Variants in DYNC2H1 observed in about 807,000 individuals in gnomAD.
DYNC2H1 encodes the protein dynein cytoplasmic 2 heavy chain 1.
Under a neutral mutation model 570.0 loss-of-function variants are expected in DYNC2H1, and 410 were observed. The ratio of observed to expected loss-of-function variants is 0.72; its 90% CI spans 0.66 to 0.78. DYNC2H1 has a LOEUF of 0.78. Among genes scored for constraint, DYNC2H1 ranks in the 30% least tolerant of loss-of-function variants. The probability of loss-of-function intolerance (pLI) is 0.00; values close to 1 mark genes in which losing one functional copy is unlikely to be tolerated. For missense variants in DYNC2H1, 4,865 were observed against 5,046.4 expected, an observed-to-expected ratio of 0.96 and a Z score of 1.09; for synonymous variants, 1,688 against 1,677.6, an observed-to-expected ratio of 1.01 and a Z score of -0.15.
At chr11:103,300,429 G>A (rs1279968484) in intron 75 of DYNC2H1, among the ~76,000 whole-genome samples, 1 of 152,050 alleles carries the variant, frequency 6.6e-6, no homozygotes, top group East Asian at 1.9e-4. Flanking sequence ...AGTTTTGAAT[G>A]ATTCATATTG....
intron 11 of DYNC2H1, 36 bp downstream of exon 11, chr11:103,123,036 C>A: frequency 7.8e-7 from 1 of 1,284,326 alleles, no homozygotes; most frequent in African/African-American, 1.5e-5. Flanking sequence ...AAATCCAAAA[C>A]CATATGTTAT....
In DYNC2H1 at chr11:103,249,953, C is replaced by T. The variant is rs1337150495; in HGVS notation, c.10043-3332C>T. Among the ~76,000 whole-genome samples the T allele has an allele frequency of 2.6e-5, 4 of 152,032 alleles. No homozygotes were observed. Among genetic ancestry groups the T allele is most frequent in the East Asian group, 1.9e-4 (1 of 5,196 alleles). On this transcript the variant is annotated intron_variant, in intron 65 of 88. Transcript: ENST00000375735. The surrounding 1 kb of genome is among the most constrained non-coding windows in gnomAD (Gnocchi z 4.6). The stretch of plus-strand genomic sequence containing the variant: ...CATTTTTCTTGAATTATTTATAAAT[C>T]GCCTAACACAAGCCAAAATCCTCTA...
chr11:103,374,350 C>A (rs1288362623), intron 83 of DYNC2H1, among the ~76,000 whole-genome samples: 1 of 152,072 alleles, frequency 6.6e-6, no homozygotes, highest in African/African-American at 2.4e-5. Context: ...TTATTCTCTC[C>A]CTTTCCTTTA....
At position 103,249,661 on chromosome 11, in the gene DYNC2H1, T is replaced by C. The variant is rs1397944955; in HGVS notation, c.10043-3624T>C. On this transcript the variant is annotated intron_variant, in intron 65 of 88. Transcript: ENST00000375735. The surrounding 1 kb of genome is among the most constrained non-coding windows in gnomAD (Gnocchi z 4.6). ...AGATTCTAATAGCTTGGACTTTGTGTACTCCTGTTGAACATAAATCATTTC... is the reference window on the plus strand; with the variant it reads ...AGATTCTAATAGCTTGGACTTTGTGCACTCCTGTTGAACATAAATCATTTC... Among the ~76,000 whole-genome samples the C allele has an allele frequency of 6.6e-6, 1 of 152,064 alleles. No homozygotes were observed. Among genetic ancestry groups the C allele is most frequent in the African/African-American group, 2.4e-5 (1 of 41,424 alleles).
chr11:103,374,904 T>C (rs187502039), intron 83 of DYNC2H1, among the ~76,000 whole-genome samples: 32 of 152,290 alleles, frequency 2.1e-4, no homozygotes, highest in African/African-American at 7.2e-4. Flanking sequence ...ATTTGTATAA[T>C]GAAGAGCCAA....
At chr11:103,370,534 G>T (rs1941103734) in intron 83 of DYNC2H1, among the ~76,000 whole-genome samples, 1 of 152,164 alleles carries the variant, frequency 6.6e-6, no homozygotes, top group South Asian at 2.1e-4. Flanking sequence ...TGCTGTGCTG[G>T]CTTCAGATCT....
At chr11:103,196,419 T>A (rs1443944859) in intron 47 of DYNC2H1, among the ~76,000 whole-genome samples, 1 of 152,174 alleles carries the variant, frequency 6.6e-6, no homozygotes, top group African/African-American at 2.4e-5. Flanking sequence ...AGGCAGAAAG[T>A]ACCTTGTTTA....
chr11:103,379,542 G>A (rs1941550643), intron 83 of DYNC2H1, among the ~76,000 whole-genome samples: 1 of 151,936 alleles, frequency 6.6e-6, no homozygotes, highest in Non-Finnish European at 1.5e-5. Flanking sequence ...TATTCTTTAT[G>A]GACTAAGGCA....
At chr11:103,415,062 G>A (rs1943231166) in intron 84 of DYNC2H1, among the ~76,000 whole-genome samples, 1 of 152,116 alleles carries the variant, frequency 6.6e-6, no homozygotes, top group African/African-American at 2.4e-5. Flanking sequence ...ACAAGCAATG[G>A]GGAAAGGATT....
intron 84 of DYNC2H1, among the ~76,000 whole-genome samples, chr11:103,412,300 T>A (rs1486863669): frequency 5.3e-5 from 8 of 152,232 alleles, no homozygotes; most frequent in African/African-American, 1.9e-4. Context: ...GAATAATGAC[T>A]TTTATTTCTT....
chr11:103,234,004 G>A (rs1335019284), intron 60 of DYNC2H1, 30 bp from the exon 61 acceptor site: 2 of 1,532,074 alleles, frequency 1.3e-6, no homozygotes, highest in Non-Finnish European at 1.8e-6. Context: ...AATCCTTTTT[G>A]CTTTTAATTA....
chr11:103,422,636 G>A (rs1287727237), intron 84 of DYNC2H1, among the ~76,000 whole-genome samples: 1 of 152,038 alleles, frequency 6.6e-6, no homozygotes, highest in Non-Finnish European at 1.5e-5. Context: ...GTAAAATTCA[G>A]CATCCTATTA....
intron 70 of DYNC2H1, among the ~76,000 whole-genome samples, chr11:103,263,795 A>G (rs577763896): frequency 6.6e-6 from 1 of 152,306 alleles, no homozygotes; most frequent in South Asian, 2.1e-4. Flanking sequence ...CATCACAATT[A>G]AAAGAACTAG....
At chr11:103,158,886 AT>A in intron 27 of DYNC2H1, 23 bp from the exon 28 acceptor site, 1 of 1,563,702 alleles carries the variant, frequency 6.4e-7, no homozygotes. Context: ...AAAGAAAGCT[AT>A]TTTTTGTTTC....
chr11:103,279,100 G>T (rs1213121734), intron 70 of DYNC2H1, among the ~76,000 whole-genome samples: 1 of 152,050 alleles, frequency 6.6e-6, no homozygotes, highest in Non-Finnish European at 1.5e-5. Context: ...TTTTGCATAG[G>T]TACCCTGTAT....
At position 103,372,142 on chromosome 11, in the gene DYNC2H1, C is replaced by T. The variant is rs569577293; in HGVS notation, c.12156+13783C>T. ...GCAACCTCCACCTCCCAGGCTCAAG[C>T]AATTCTCATGCTTCAGCCTCCGAGT... On this transcript the variant is annotated intron_variant, in intron 83 of 88. Transcript: ENST00000375735. Among the ~76,000 whole-genome samples the T allele has an allele frequency of 1.5e-3, 212 of 145,800 alleles. 2 individuals carry two copies. Among genetic ancestry groups the T allele is most frequent in the Non-Finnish European group, 2.7e-3 (184 of 67,042 alleles).
chr11:103,367,283 A>C lies in DYNC2H1; in HGVS notation c.12156+8924A>C, dbSNP rs562882604. On this transcript the variant is annotated intron_variant, in intron 83 of 88. Coordinates refer to ENST00000375735, the MANE Select transcript of DYNC2H1 (RefSeq NM_001377.3). ...GTTATTGCTAGAATGCTTTTTCATCATTTTTCCACTAAATCAAAGATTCTG... is the reference window on the plus strand; with the variant it reads ...GTTATTGCTAGAATGCTTTTTCATCCTTTTTCCACTAAATCAAAGATTCTG... 1.1e-3 allele frequency among the ~76,000 whole-genome samples: 161 copies of C among 152,160 alleles called. 1 individual carries two copies. Among genetic ancestry groups the C allele is most frequent in the African/African-American group, 3.8e-3 (158 of 41,554 alleles).
At chr11:103,434,412 G>A (rs1285000579) in intron 84 of DYNC2H1, among the ~76,000 whole-genome samples, 2 of 134,104 alleles carry the variant, frequency 1.5e-5, no homozygotes, top group Non-Finnish European at 1.5e-5. Flanking sequence ...GGTTGTCTGA[G>A]ATTTTTCCTT....
At chr11:103,159,059 A>G (rs776823332) in intron 28 of DYNC2H1, 32 bp downstream of exon 28, 2 of 1,547,442 alleles carry the variant, frequency 1.3e-6, no homozygotes, top group South Asian at 2.3e-5. Flanking sequence ...ACAGATATTT[A>G]TTGAGTTTCA....
Sources: allele counts gnomAD v4.1 joint callset (sites outside exome capture counted in the v4.1 genomes callset), GRCh38; gene constraint gnomAD v4.1.1; non-coding constraint Gnocchi (gnomAD v3.1); transcripts MANE v1.5; gene names NCBI Gene and HGNC (gene_info 2026-07-23, HGNC 2026-07-21).